TG: variants seen among roughly 807,000 people sequenced by gnomAD.
TG encodes the protein thyroid hormones.
A neutral mutation model predicts 324.7 loss-of-function variants in TG; 270 were observed. The observed-to-expected ratio is 0.83, with a 90% CI of 0.75 to 0.92. The LOEUF is 0.92. TG is among the 40% of genes least tolerant of loss of function. The pLI is 0.00. For synonymous variants in TG, 1,401 were observed against 1,327.0 expected (o/e 1.06, Z -1.21); for missense variants, 3,591 against 3,456.4 (o/e 1.04, Z -0.98).
intron 34 of TG, among the ~76,000 whole-genome samples, chr8:132,981,598 C>G (rs907720652): frequency 6.6e-6 from 1 of 152,192 alleles, no homozygotes; most frequent in African/African-American, 2.4e-5. Flanking sequence ...ATATTAGGAG[C>G]TCCCAGAACG....
chr8:133,095,272 A>G, intron 42 of TG, 64 bp downstream of exon 42: 1 of 1,611,774 alleles, frequency 6.2e-7, no homozygotes, highest in Non-Finnish European at 8.5e-7. Context: ...GAAAATGAAG[A>G]CCTAGGAAGG....
intron 41 of TG, among the ~76,000 whole-genome samples, chr8:133,082,798 T>C (rs891611409): frequency 6.6e-6 from 1 of 151,878 alleles, no homozygotes; most frequent in African/African-American, 2.4e-5. Flanking sequence ...CATTCTATGA[T>C]GCCTTAATAC....
At chr8:133,029,536 G>A (rs1293129245) in intron 40 of TG, among the ~76,000 whole-genome samples, 1 of 152,210 alleles carries the variant, frequency 6.6e-6, no homozygotes, top group Non-Finnish European at 1.5e-5. Context: ...GGCTCAGAGA[G>A]TTGTAAGGAC....
chr8:132,898,031 C>A, intron 12 of TG, 138 bp from the exon 13 acceptor site: 1 of 952,948 alleles, frequency 1.0e-6, no homozygotes, highest in Non-Finnish European at 1.6e-6. Context: ...GGACAATGTC[C>A]GGCTGGGGGT....
At chr8:132,937,097 T>A (rs1246835162) in intron 25 of TG, among the ~76,000 whole-genome samples, 1 of 152,178 alleles carries the variant, frequency 6.6e-6, no homozygotes, top group East Asian at 1.9e-4. Context: ...AACATTTCTG[T>A]AATCATCTTT....
intron 27 of TG, among the ~76,000 whole-genome samples, chr8:132,952,060 G>A (rs932519035): frequency 3.3e-5 from 5 of 152,128 alleles, no homozygotes; most frequent in Admixed American, 2.6e-4. Context: ...GTTTAACAAC[G>A]GGATAGATGG....
chr8:132,969,008 T>C (rs1048050682), intron 31 of TG, among the ~76,000 whole-genome samples: 1 of 152,130 alleles, frequency 6.6e-6, no homozygotes, highest in Admixed American at 6.5e-5. Context: ...AGGGCTGTTG[T>C]CAGCTGCGGA....
chr8:133,112,286 G>T (rs1025463916), intron 43 of TG, among the ~76,000 whole-genome samples: 1 of 152,274 alleles, frequency 6.6e-6, no homozygotes, highest in Non-Finnish European at 1.5e-5. Context: ...ACACCAGAGT[G>T]TGCTGATAAG....
chr8:133,128,129 G>A (rs1851659582), intron 45 of TG, among the ~76,000 whole-genome samples: 1 of 151,966 alleles, frequency 6.6e-6, no homozygotes, highest in Non-Finnish European at 1.5e-5. Flanking sequence ...TTTTTGAAAA[G>A]CAGTGGTTGA....
At chr8:133,077,716 A>G (rs1845108203) in intron 41 of TG, among the ~76,000 whole-genome samples, 1 of 150,094 alleles carries the variant, frequency 6.7e-6, no homozygotes, top group South Asian at 2.1e-4. Flanking sequence ...ATTTTGGATC[A>G]GGGCATTCTC....
chr8:133,095,808 G>A (rs1250054836), intron 42 of TG, among the ~76,000 whole-genome samples: 1 of 152,210 alleles, frequency 6.6e-6, no homozygotes, highest in Admixed American at 6.5e-5. Context: ...AATTGGAGCA[G>A]GTCTTATTCT....
chr8:132,883,971 C>T (rs1587235028), intron 8 of TG, among the ~76,000 whole-genome samples: 1 of 152,282 alleles, frequency 6.6e-6, no homozygotes. Context: ...TTTCCTCTTC[C>T]TAGCTTGTAG....
At chr8:132,893,305 G>A (rs1176372773) in intron 10 of TG, among the ~76,000 whole-genome samples, 2 of 144,548 alleles carry the variant, frequency 1.4e-5, no homozygotes, top group Non-Finnish European at 3.0e-5. Context: ...TACGTGTGGT[G>A]TATGTGATCT....
At chr8:132,975,247 C>T (rs1414530828) in intron 34 of TG, among the ~76,000 whole-genome samples, 1 of 152,184 alleles carries the variant, frequency 6.6e-6, no homozygotes, top group Non-Finnish European at 1.5e-5. Flanking sequence ...CTTACCTCAC[C>T]AAAGTCTTAA....
At chr8:133,061,104 G>A (rs1200688811) in intron 41 of TG, among the ~76,000 whole-genome samples, 5 of 152,160 alleles carry the variant, frequency 3.3e-5, no homozygotes, top group Non-Finnish European at 4.4e-5. Context: ...CCTGCCTCCC[G>A]GGTTCAAGCG....
intron 44 of TG, 46 bp from the exon 45 acceptor site, chr8:133,116,563 T>C (rs555653636): frequency 6.5e-7 from 1 of 1,546,748 alleles, no homozygotes. Context: ...CCATGGCCCA[T>C]AGAGCCATGT....
At chr8:133,026,654 C>A (rs1440114682) in intron 40 of TG, among the ~76,000 whole-genome samples, 2 of 152,170 alleles carry the variant, frequency 1.3e-5, no homozygotes, top group South Asian at 4.1e-4. Context: ...GCGCTTTGGC[C>A]AGGACACCAG....
intron 16 of TG, among the ~76,000 whole-genome samples, chr8:132,902,201 G>A (rs546024615): frequency 1.7e-3 from 252 of 152,272 alleles, no homozygotes; most frequent in South Asian, 4.8e-3. Context: ...ATTACCAATT[G>A]GGGTGGTGGG....
chr8:132,965,676 C>G (rs1418135236), intron 29 of TG, among the ~76,000 whole-genome samples: 1 of 152,190 alleles, frequency 6.6e-6, no homozygotes, highest in African/African-American at 2.4e-5. Flanking sequence ...ACATCAGAGC[C>G]AGAGGGATCA....
Sources: allele counts gnomAD v4.1 joint callset (sites outside exome capture counted in the v4.1 genomes callset), GRCh38; gene constraint gnomAD v4.1.1; transcripts MANE v1.5; gene names NCBI Gene and HGNC (gene_info 2026-07-23, HGNC 2026-07-21).